The following MDGA2 variants were observed in gnomAD, a reference collection of about 807,000 sequenced individuals.
MDGA2 encodes MAM domain containing glycosylphosphatidylinositol anchor 2.
In MDGA2, 40 loss-of-function variants were observed where a neutral mutation model predicts 117.8. That is an observed-to-expected ratio of 0.34 (90% CI 0.26 to 0.44). The LOEUF (loss-of-function observed/expected upper bound fraction) is 0.44. Ranked by LOEUF, MDGA2 falls within the 20% of genes least tolerant of loss-of-function variation. The pLI is 1.00. For missense variants in MDGA2, 1,123 were observed against 1,250.6 expected (o/e 0.90, Z 1.54); for synonymous variants, 452 against 439.0 (o/e 1.03, Z -0.37).
At chr14:47,350,793 G>A (rs1890861331) in intron 1 of MDGA2, among the ~76,000 whole-genome samples, 1 of 152,246 alleles carries the variant, frequency 6.6e-6, no homozygotes, top group East Asian at 1.9e-4. Context: ...GGAGCATGAA[G>A]AGATTTCAAT....
chr14:47,328,264 A>G (rs1029513282), intron 1 of MDGA2, among the ~76,000 whole-genome samples: 2 of 152,170 alleles, frequency 1.3e-5, no homozygotes, highest in African/African-American at 4.8e-5. Context: ...ATTCCTGAAG[A>G]AACAGAAAGG....
chr14:46,945,012 T>A (rs1318452364), intron 9 of MDGA2, among the ~76,000 whole-genome samples: 1 of 152,136 alleles, frequency 6.6e-6, no homozygotes, highest in African/African-American at 2.4e-5. Context: ...TTTCTTTTCA[T>A]GTCAGGTAAT....
chr14:47,653,594 T>G (rs187713215), intron 1 of MDGA2, among the ~76,000 whole-genome samples: 66 of 152,142 alleles, frequency 4.3e-4, no homozygotes, highest in African/African-American at 1.5e-3. Flanking sequence ...ACATCCTAAT[T>G]CCCGGAAACT....
At chr14:47,237,262 C>T (rs1194510622) in intron 2 of MDGA2, among the ~76,000 whole-genome samples, 2 of 152,044 alleles carry the variant, frequency 1.3e-5, no homozygotes, top group Non-Finnish European at 2.9e-5. Context: ...AAATTAAAAT[C>T]ACATTAAGCA....
At chr14:47,060,096 A>T (rs999362207) in intron 7 of MDGA2, among the ~76,000 whole-genome samples, 11 of 152,240 alleles carry the variant, frequency 7.2e-5, no homozygotes, top group Non-Finnish European at 1.2e-4. Context: ...GAATTTTTTT[A>T]AAAATGTTTT....
intron 1 of MDGA2, among the ~76,000 whole-genome samples, chr14:47,335,745 T>TATATATATATATATATATATATATAC: frequency 3.1e-5 from 3 of 95,572 alleles, no homozygotes; most frequent in African/African-American, 8.5e-5. Flanking sequence ...TATATATATA[T>TATATATATATATATATATATATATAC]ATACATACAT....
intron 8 of MDGA2, among the ~76,000 whole-genome samples, chr14:47,034,286 A>G (rs1539213): frequency 0.26 from 39,424 of 152,092 alleles, 6,027 homozygotes; most frequent in East Asian, 0.58. Flanking sequence ...GATAAAATCA[A>G]ATGTAAAGTC....
intron 1 of MDGA2, among the ~76,000 whole-genome samples, chr14:47,600,141 A>C (rs1241931662): frequency 6.6e-6 from 1 of 152,112 alleles, no homozygotes; most frequent in Admixed American, 6.5e-5. Flanking sequence ...CATGCTTCTA[A>C]TCCCAGCACT....
intron 5 of MDGA2, among the ~76,000 whole-genome samples, chr14:47,097,983 AT>A (rs573979254): frequency 1.3e-5 from 2 of 151,818 alleles, no homozygotes; most frequent in Non-Finnish European, 2.9e-5. Context: ...CATATAGCAC[AT>A]TTTTTTTCTG....
intron 8 of MDGA2, among the ~76,000 whole-genome samples, chr14:47,030,414 T>A (rs943998507): frequency 1.3e-5 from 2 of 151,858 alleles, no homozygotes; most frequent in African/African-American, 4.8e-5. Flanking sequence ...CTTGGGAGGC[T>A]GAAGTAAGAG....
At chr14:47,032,358 AG>A (rs755654094) in intron 8 of MDGA2, among the ~76,000 whole-genome samples, 3 of 152,150 alleles carry the variant, frequency 2.0e-5, no homozygotes, top group Non-Finnish European at 4.4e-5. Context: ...AGGCCGAGGC[AG>A]GAAGATTGCT....
At chr14:46,915,725 AAG>A (rs1883872474) in intron 10 of MDGA2, among the ~76,000 whole-genome samples, 1 of 152,100 alleles carries the variant, frequency 6.6e-6, no homozygotes, top group Non-Finnish European at 1.5e-5. Flanking sequence ...GCAGAAGGGG[AAG>A]GTAAGGAAGC....
intron 1 of MDGA2, among the ~76,000 whole-genome samples, chr14:47,374,637 T>G (rs1566759635): frequency 6.6e-6 from 1 of 152,134 alleles, no homozygotes; most frequent in Non-Finnish European, 1.5e-5. Flanking sequence ...CAAAATGGTT[T>G]CAAATTCTGT....
chr14:46,880,185 C>T (rs1012567654), intron 11 of MDGA2, among the ~76,000 whole-genome samples: 4 of 151,694 alleles, frequency 2.6e-5, no homozygotes, highest in Non-Finnish European at 5.9e-5. Flanking sequence ...ATTAGCTGGG[C>T]GTGGTGGCAA....
chr14:47,181,287 T>C (rs1039071868), intron 3 of MDGA2, among the ~76,000 whole-genome samples: 1 of 152,126 alleles, frequency 6.6e-6, no homozygotes, highest in East Asian at 1.9e-4. Flanking sequence ...CCTGTGTCCA[T>C]GTGTTCTCAT....
At chr14:47,320,097 G>A (rs947615491) in intron 1 of MDGA2, among the ~76,000 whole-genome samples, 1 of 152,256 alleles carries the variant, frequency 6.6e-6, no homozygotes, top group African/African-American at 2.4e-5. Context: ...GCCCTCAGAA[G>A]AAACCAACCC....
chr14:46,850,396 A>C (rs1359057518), intron 15 of MDGA2, among the ~76,000 whole-genome samples: 2 of 151,832 alleles, frequency 1.3e-5, no homozygotes, highest in Non-Finnish European at 3.0e-5. Context: ...TGCACTTCTG[A>C]TGATTTGCCT....
At chr14:47,669,464 T>C (rs1898036299) in intron 1 of MDGA2, among the ~76,000 whole-genome samples, 1 of 152,182 alleles carries the variant, frequency 6.6e-6, no homozygotes, top group African/African-American at 2.4e-5. Context: ...TTAATCCACT[T>C]AGGGGCTTTC....
At chr14:47,663,753 C>T (rs1273693449) in intron 1 of MDGA2, among the ~76,000 whole-genome samples, 1 of 151,992 alleles carries the variant, frequency 6.6e-6, no homozygotes, top group Non-Finnish European at 1.5e-5. Context: ...ATGGTTTATC[C>T]TCATTTTCTG....
Sources: allele counts gnomAD v4.1 joint callset (sites outside exome capture counted in the v4.1 genomes callset), GRCh38; gene constraint gnomAD v4.1.1; transcripts MANE v1.5; gene names NCBI Gene and HGNC (gene_info 2026-07-23, HGNC 2026-07-21).